Variants in NAV1 observed in about 807,000 individuals in gnomAD.
The protein encoded by NAV1 is pore membrane and/or filament interacting like protein 3.
NAV1 carries 18 observed loss-of-function variants against 175.2 expected under a neutral mutation model. The observed-to-expected ratio is 0.10, with a 90% CI of 0.07 to 0.15. The LOEUF (loss-of-function observed/expected upper bound fraction) is 0.15. Ranked by LOEUF, NAV1 falls within the 10% of genes least tolerant of loss-of-function variation. The pLI is 1.00. For synonymous variants in NAV1, 897 were observed against 978.7 expected, an observed-to-expected ratio of 0.92 and a Z score of 1.56; for missense variants, 1,731 against 2,436.6, an observed-to-expected ratio of 0.71 and a Z score of 6.10.
intron 2 of NAV1, among the ~76,000 whole-genome samples, chr1:201,642,517 C>CTTTCTCTTTCTTTCTTTCTTTCTT (rs1553247042): frequency 5.7e-4 from 68 of 118,496 alleles, no homozygotes; most frequent in African/African-American, 2.4e-3. Flanking sequence ...CGGCCTCTTT[C>CTTTCTCTTTCTTTCTTTCTTTCTT]TTTCTTTTTT....
upstream of NAV1, among the ~76,000 whole-genome samples, chr1:201,619,603 T>G (rs1336027480): frequency 2.6e-5 from 4 of 152,148 alleles, no homozygotes; most frequent in African/African-American, 9.7e-5. Context: ...GTTTCCTTTA[T>G]GAAAGTCCTT....
chr1:201,696,197 G>A (rs1671183021), intron 1 of NAV1, among the ~76,000 whole-genome samples: 1 of 152,212 alleles, frequency 6.6e-6, no homozygotes, highest in Non-Finnish European at 1.5e-5. Flanking sequence ...GGTTGGGAGA[G>A]GATGGGAGCA....
chr1:201,783,488 T>C (rs1439823008), exon 7 of NAV1: 3 of 1,614,042 alleles, frequency 1.9e-6, no homozygotes, highest in Admixed American at 1.7e-5. Context: ...TCTACCATCA[T>C]CCAGTGATAC....
chr1:201,606,307 G>A (rs75101420), intron 2 of NAV1, among the ~76,000 whole-genome samples: 2,664 of 152,274 alleles, frequency 0.017, 79 homozygotes, highest in African/African-American at 0.061. Flanking sequence ...GGGCTACCTG[G>A]TCTGTCTTTA....
chr1:201,695,429 G>C (rs1323743412), intron 1 of NAV1, among the ~76,000 whole-genome samples: 2 of 152,188 alleles, frequency 1.3e-5, no homozygotes, highest in Non-Finnish European at 2.9e-5. Flanking sequence ...GCCATGCTGG[G>C]TTCTTCCCAG....
rs778876537 is a variant in NAV1, at chr1:201,788,532, G to A, written c.3060G>A (p.Ala1020=). 6.2e-6 allele frequency: 10 copies of A among 1,614,094 alleles called. No homozygotes were observed. Among genetic ancestry groups the A allele is most frequent in the East Asian group, 2.2e-5 (1 of 44,878 alleles). ...CCAACAGCATCCCCACCCACGAGGC[G>A]GCCTTCGAGCTGTACAGCGGCTCCC... Residue 1020 remains alanine, a synonymous_variant, in exon 10 of 30, where the codon GCG becomes GCA. Coordinates refer to ENST00000367296, the Ensembl canonical transcript of NAV1. The surrounding 1 kb of genome is among the most constrained non-coding windows in gnomAD (Gnocchi z 5.7).
At chr1:201,559,387 C>T (rs185803608) in intron 1 of NAV1, among the ~76,000 whole-genome samples, 208 of 152,228 alleles carry the variant, frequency 1.4e-3, no homozygotes, top group Non-Finnish European at 2.5e-3. Context: ...CGCACATAAA[C>T]CACCAGGAAC....
chr1:201,642,104 CTCTT>C (rs781323777), intron 2 of NAV1, among the ~76,000 whole-genome samples: 14 of 144,878 alleles, frequency 9.7e-5, no homozygotes, highest in Admixed American at 2.1e-4. Flanking sequence ...CCTTCCCTTC[CTCTT>C]TCTTTCTTCC....
chr1:201,708,556 G>A (rs1432004801), intron 1 of NAV1, among the ~76,000 whole-genome samples: 1 of 152,110 alleles, frequency 6.6e-6, no homozygotes, highest in African/African-American at 2.4e-5. Flanking sequence ...TTGGAGGGTG[G>A]CATCCTGGCT....
intron 3 of NAV1, among the ~76,000 whole-genome samples, chr1:201,738,005 T>C (rs548964846): frequency 6.6e-6 from 1 of 152,092 alleles, no homozygotes; most frequent in African/African-American, 2.4e-5. Flanking sequence ...GTGGTGAGGA[T>C]GGGAGGCTCA....
At chr1:201,564,154 G>A (rs58940230) in intron 1 of NAV1, among the ~76,000 whole-genome samples, 18 of 151,808 alleles carry the variant, frequency 1.2e-4, no homozygotes, top group African/African-American at 4.4e-4. Context: ...AGAAAGGAAG[G>A]AAGGAAGGCA....
intron 1 of NAV1, among the ~76,000 whole-genome samples, chr1:201,657,652 C>T (rs543788112): frequency 3.9e-5 from 6 of 152,306 alleles, no homozygotes; most frequent in East Asian, 3.9e-4. Flanking sequence ...CGGCACCTGG[C>T]GGGGCTTTCT....
At chr1:201,680,329 A>G (rs974118492) in intron 1 of NAV1, among the ~76,000 whole-genome samples, 2 of 152,108 alleles carry the variant, frequency 1.3e-5, no homozygotes, top group Admixed American at 6.5e-5. Flanking sequence ...CAACATGGAG[A>G]AACCCCATCT....
rs1429613442 is a variant in NAV1 at position 201,539,231 on chromosome 1, C to G, written c.-255C>G. On this transcript the variant is annotated 5_prime_UTR_variant, in exon 1 of 34. Coordinates refer to the NAV1 transcript ENST00000685211. This position sits in a 1 kb window ranked among gnomAD's most constrained non-coding sequence, Gnocchi z 5.6. Reference sequence around the variant, plus strand: ...GGGGCCGAGGCGGCCTGGGGAGCCCCGGGAAACTTTGTGCTCGCGAGAAGC... The same window carrying G: ...GGGGCCGAGGCGGCCTGGGGAGCCCGGGGAAACTTTGTGCTCGCGAGAAGC... 1.3e-5 allele frequency among the ~76,000 whole-genome samples: 2 copies of G among 152,172 alleles called. No individual in the cohort carries two copies. The highest frequency in any genetic ancestry group is 1.9e-4 in the East Asian group (1 of 5,198).
chr1:201,711,992 T>A (rs1030514157), intron 1 of NAV1, among the ~76,000 whole-genome samples: 1 of 152,220 alleles, frequency 6.6e-6, no homozygotes, highest in Middle Eastern at 3.2e-3. Flanking sequence ...CAGGGTTGAA[T>A]ACAATGGCTC....
Position 201,783,301 on chromosome 1 carries a change from A to T in NAV1, c.2358-105A>T, listed in dbSNP as rs527725. 238 of 1,160,606 alleles carry T rather than the reference A, an allele frequency of 2.1e-4. 1 individual carries two copies. Among genetic ancestry groups the T allele is most frequent in the South Asian group, 2.1e-4 (15 of 70,094 alleles). The allele number at this position is 1,160,606 out of a possible 1,614,324, so 71.9% of individuals were successfully genotyped here. ...AGCATTAGGATAAGCCTCTGTGCTT[A>T]GCAAATAGGCAGAAAACAAGACTGG... On this transcript the variant is annotated intron_variant, in intron 6 of 29. Transcript: ENST00000367296.
chr1:201,732,565 GA>G (rs1672907461), intron 3 of NAV1, among the ~76,000 whole-genome samples: 1 of 152,136 alleles, frequency 6.6e-6, no homozygotes, highest in African/African-American at 2.4e-5. Flanking sequence ...GAACATTCTA[GA>G]GCCCAACTGG....
At chr1:201,549,119 CTTTCTTTCTTTCTT>C (rs1188807069) in intron 1 of NAV1, among the ~76,000 whole-genome samples, 3 of 149,742 alleles carry the variant, frequency 2.0e-5, no homozygotes, top group Non-Finnish European at 4.5e-5. Context: ...TTCTTTCTTT[CTTTCTTTCTTTCTT>C]TCTTTCTTTC....
chr1:201,702,549 T>G (rs1330324938), intron 1 of NAV1, among the ~76,000 whole-genome samples: 1 of 152,110 alleles, frequency 6.6e-6, no homozygotes, highest in East Asian at 1.9e-4. Flanking sequence ...TTTGTATTTT[T>G]AGTAGAGATG....
Sources: allele counts gnomAD v4.1 joint callset (sites outside exome capture counted in the v4.1 genomes callset), GRCh38; gene constraint gnomAD v4.1.1; non-coding constraint Gnocchi (gnomAD v3.1); transcripts MANE v1.5; gene names NCBI Gene and HGNC (gene_info 2026-07-23, HGNC 2026-07-21).